Variants in NPR2 observed in about 807,000 individuals in gnomAD.
NPR2 encodes atrial natriuretic peptide receptor 2.
A neutral mutation model predicts 120.7 loss-of-function variants in NPR2; 49 were observed. The ratio of observed to expected loss-of-function variants is 0.41; its 90% CI spans 0.32 to 0.52. NPR2 has a LOEUF of 0.52. NPR2 is among the 20% of genes least tolerant of loss of function. NPR2 has a pLI of 0.36. For missense variants in NPR2, 931 were observed against 1,362.9 expected, an observed-to-expected ratio of 0.68 and a Z score of 4.99; for synonymous variants, 484 against 519.8, an observed-to-expected ratio of 0.93 and a Z score of 0.94.
At chr9:35,796,599 C>T (rs989066900) in intron 2 of NPR2, among the ~76,000 whole-genome samples, 4 of 152,198 alleles carry the variant, frequency 2.6e-5, no homozygotes, top group Non-Finnish European at 4.4e-5. Context: ...ATCCAATAAT[C>T]AGTTATATCA....
chr9:35,793,166 C>A, intron 1 of NPR2, 91 bp downstream of exon 1: 1 of 1,317,858 alleles, frequency 7.6e-7, no homozygotes, highest in Non-Finnish European at 1.0e-6. Flanking sequence ...TGGAGATAGG[C>A]ATTGAGCAGC....
rs765333807 is a variant in NPR2, at chr9:35,802,827, A to T, written c.1887+24A>T. ...AGGTGAGTCTTCCCCACTCCTTAAA[A>T]GTTCATCCACTTTAAATCACTTCCA... On this transcript the variant is annotated intron_variant, in intron 12 of 21. Coordinates refer to ENST00000342694, the MANE Select transcript of NPR2 (RefSeq NM_003995.4). The surrounding 1 kb of genome is among the most constrained non-coding windows in gnomAD (Gnocchi z 4.2). 6.7e-7 allele frequency: 1 copy of T among 1,487,588 alleles called. No homozygotes were observed. Among genetic ancestry groups the T allele is most frequent in the Non-Finnish European group, 9.4e-7 (1 of 1,065,440 alleles). 92.1% of individuals were successfully genotyped at this position (1,487,588 alleles called of 1,614,324 possible).
chr9:35,808,263 G>C lies in NPR2; in HGVS notation c.2713-246G>C. The C allele has an allele frequency of 6.2e-7, 1 of 1,614,102 alleles. No individual in the cohort carries two copies. Among genetic ancestry groups the C allele is most frequent in the South Asian group, 1.1e-5 (1 of 91,074 alleles). On this transcript the variant is annotated intron_variant, in intron 18 of 21. Transcript: ENST00000342694. This position sits in a 1 kb window ranked among gnomAD's most constrained non-coding sequence, Gnocchi z 4.0. Reference sequence around the variant, plus strand: ...TTGTCCATGTCCTGCTGCAGACAGGGTGTTCATTCATTCCGCAAATGTTTA... The same window carrying C: ...TTGTCCATGTCCTGCTGCAGACAGGCTGTTCATTCATTCCGCAAATGTTTA...
chr9:35,799,526 A>G, intron 2 of NPR2, 92 bp from the exon 3 acceptor site: 2 of 908,864 alleles, frequency 2.2e-6, no homozygotes, highest in South Asian at 1.3e-5. Flanking sequence ...TATATCATGT[A>G]TATTTTACCA....
intron 12 of NPR2, among the ~76,000 whole-genome samples, chr9:35,804,136 T>G (rs1321823684): frequency 6.6e-6 from 1 of 152,234 alleles, no homozygotes; most frequent in Non-Finnish European, 1.5e-5. Flanking sequence ...ACAGAAATGT[T>G]TTTTGTTAGC....
Position 35,792,516 on chromosome 9 carries a change from G to A in NPR2, c.108G>A (p.Leu36=), listed in dbSNP as rs1209904867. The change falls in exon 1 of 22, where the codon CTG becomes CTA. Residue 36 remains leucine (L), a synonymous_variant. Coordinates refer to ENST00000342694, the MANE Select transcript of NPR2 (RefSeq NM_003995.4). ...TLAVVLPEHN[L]SYAWAWPRVG... is the part of the protein sequence containing the mutation. ...CGGTGGTGCTGCCAGAACACAACCT[G>A]AGCTATGCCTGGGCCTGGCCACGGG... The A allele has an allele frequency of 3.1e-6, 5 of 1,610,512 alleles. No individual in the cohort carries two copies. Among genetic ancestry groups the A allele is most frequent in the Non-Finnish European group, 4.2e-6 (5 of 1,179,942 alleles).
At chr9:35,807,798 G>A (rs1265815962) in intron 18 of NPR2, among the ~76,000 whole-genome samples, 1 of 152,196 alleles carries the variant, frequency 6.6e-6, no homozygotes, top group East Asian at 1.9e-4. Context: ...AAGTTATTGA[G>A]TTGGATTTAT....
At position 35,809,509 on chromosome 9, in the gene NPR2, A is replaced by G. The variant is rs1210350670; in HGVS notation, c.*64A>G. 3 of 1,611,562 alleles carry G rather than the reference A, an allele frequency of 1.9e-6. No individual in the cohort carries two copies. Among genetic ancestry groups the G allele is most frequent in the Admixed American group, 3.3e-5 (2 of 60,012 alleles). On this transcript the variant is annotated 3_prime_UTR_variant, in exon 22 of 22. Coordinates refer to ENST00000342694, the MANE Select transcript of NPR2 (RefSeq NM_003995.4). This position sits in a 1 kb window ranked among gnomAD's most constrained non-coding sequence, Gnocchi z 4.1. ...GGTACCTGGGTGGGCAATGGCCACC[A>G]TGTCTGCACACACCAGAAATGGACA... is the stretch of plus-strand genomic sequence containing the variant.
In NPR2 at chr9:35,806,066, G is replaced by C; in HGVS notation, c.2205G>C (p.Glu735Asp). The C allele has an allele frequency of 6.2e-7, 1 of 1,614,166 alleles. No homozygotes were observed. The highest frequency in any genetic ancestry group is 8.5e-7 in the Non-Finnish European group (1 of 1,180,044). ...ATCCAAACCTTTGATCACCCTCAGA[G>C]ATTGTCCAGAAGGTACGAAATGGTC... ...YLEGLDLSPK[E>D]IVQKVRNGQR... Residue 735 changes from glutamate to aspartate, a missense_variant and splice_region_variant, in exon 15 of 22, where the codon GAG becomes GAC. Around this residue, in one of 3 missense-constraint regions of NPR2, gnomAD observed 681 missense variants for 974.3 expected, o/e 0.70. Coordinates refer to ENST00000342694, the MANE Select transcript of NPR2 (RefSeq NM_003995.4). This position sits in a 1 kb window ranked among gnomAD's most constrained non-coding sequence, Gnocchi z 4.6.
intron 12 of NPR2, among the ~76,000 whole-genome samples, chr9:35,804,681 T>C (rs1042983157): frequency 2.6e-5 from 4 of 152,060 alleles, no homozygotes; most frequent in Non-Finnish European, 4.4e-5. Flanking sequence ...TGATCCAGCA[T>C]TCCCTCTAGT....
intron 12 of NPR2, among the ~76,000 whole-genome samples, chr9:35,803,690 A>T (rs543972607): frequency 6.6e-5 from 10 of 152,362 alleles, no homozygotes; most frequent in African/African-American, 2.2e-4. Flanking sequence ...ATCTTGCATG[A>T]GTTGGACAGG....
Position 35,806,521 on chromosome 9 carries a change from C to T in NPR2, c.2502C>T (p.Leu834=). The T allele has an allele frequency of 6.2e-7, 1 of 1,614,224 alleles. No individual in the cohort carries two copies. Among genetic ancestry groups the T allele is most frequent in the Non-Finnish European group, 8.5e-7 (1 of 1,180,032 alleles). The change falls in exon 16 of 22, where the codon CTC becomes CTT. Residue 834 remains leucine (L), a synonymous_variant. Coordinates refer to ENST00000342694, the MANE Select transcript of NPR2 (RefSeq NM_003995.4). The surrounding 1 kb of genome is among the most constrained non-coding windows in gnomAD (Gnocchi z 4.6). ...AAAAACGCAAGGCTGAAGCTCTGCTCTACCAAATCCTACCCCAGTGAGACT... is the reference window on the plus strand; with the variant it reads ...AAAAACGCAAGGCTGAAGCTCTGCTTTACCAAATCCTACCCCAGTGAGACT... ...LEEKRKAEAL[L]YQILPHSVAE...
Position 35,803,165 on chromosome 9 carries a change from G to A in NPR2, c.1887+362G>A, listed in dbSNP as rs565928729. 3.7e-5 allele frequency among the ~76,000 whole-genome samples: 3 copies of A among 81,916 alleles called. 1 individual carries two copies. The highest frequency in any genetic ancestry group is 6.2e-4 in the South Asian group (2 of 3,216). The allele number at this position is 81,916 out of a possible 152,430, so 53.7% of individuals were successfully genotyped here. ...GTCGCCCAGGCTGGAGTGCAGTGGC[G>A]GGATCTCGGCTCACTGCAAGCTCCG... On this transcript the variant is annotated intron_variant, in intron 12 of 21. Transcript: ENST00000342694.
chr9:35,798,771 C>G (rs1283068232), intron 2 of NPR2, among the ~76,000 whole-genome samples: 1 of 152,204 alleles, frequency 6.6e-6, no homozygotes, highest in South Asian at 2.1e-4. Context: ...GGTCCAGCAG[C>G]TCAGGAAGGG....
At position 35,808,648 on chromosome 9, in the gene NPR2, A is replaced by G; in HGVS notation, c.2852A>G (p.His951Arg). ...VSSFRIRHRP[H>R]DQLRLRIGVH... ...TCCTTTCGCATCCGCCACCGACCCCATGACCAGCTGAGGCTACGCATAGGG... is the reference window on the plus strand; with the variant it reads ...TCCTTTCGCATCCGCCACCGACCCCGTGACCAGCTGAGGCTACGCATAGGG... Residue 951 changes from histidine (H) to arginine (R), a missense_variant, in exon 19 of 22, where the codon CAT becomes CGT. Physicochemically the swap from His to Arg is conservative, Grantham distance 29. This residue lies in a region of NPR2 where 184 missense variants were observed against 328.3 expected (regional missense o/e 0.56). Transcript: ENST00000342694. This position sits in a 1 kb window ranked among gnomAD's most constrained non-coding sequence, Gnocchi z 4.0. 1 of 1,613,928 alleles carries G rather than the reference A, an allele frequency of 6.2e-7. No individual in the cohort carries two copies. Among genetic ancestry groups the G allele is most frequent in the African/African-American group, 1.3e-5 (1 of 74,956 alleles).
At position 35,800,108 on chromosome 9, in the gene NPR2, G is replaced by T; in HGVS notation, c.1074G>T (p.Arg358=). Residue 358 remains arginine (R), a synonymous_variant, in exon 4 of 22, where the codon CGG becomes CGT. Coordinates refer to ENST00000342694, the MANE Select transcript of NPR2 (RefSeq NM_003995.4). The surrounding 1 kb of genome is among the most constrained non-coding windows in gnomAD (Gnocchi z 4.7). ...AGACAATACAGGAAGGAGGCACCCGGGAGGATGGACTTCGAATTGTGGAAA... is the reference window on the plus strand; with the variant it reads ...AGACAATACAGGAAGGAGGCACCCGTGAGGATGGACTTCGAATTGTGGAAA... ...LNETIQEGGT[R]EDGLRIVEKM... is the part of the protein sequence containing the mutation. 2 of 1,614,026 alleles carry T rather than the reference G, an allele frequency of 1.2e-6. No homozygotes were observed. The highest frequency in any genetic ancestry group is 1.7e-6 in the Non-Finnish European group (2 of 1,179,910).
At position 35,800,389 on chromosome 9, in the gene NPR2, G is replaced by A; in HGVS notation, c.1124G>A (p.Gly375Asp). Residue 375 changes from glycine (G) to aspartate (D), a missense_variant and splice_region_variant, in exon 5 of 22, where the codon GGT becomes GAT. Around this residue, in one of 3 missense-constraint regions of NPR2, gnomAD observed 681 missense variants for 974.3 expected, o/e 0.70. Coordinates refer to ENST00000342694, the MANE Select transcript of NPR2 (RefSeq NM_003995.4). The surrounding 1 kb of genome is among the most constrained non-coding windows in gnomAD (Gnocchi z 4.7). ...GAAAGGACACTCTTTTCTGTCTTAGGTGTAACTGGGCTGGTTGTCATGGAC... is the reference window on the plus strand; with the variant it reads ...GAAAGGACACTCTTTTCTGTCTTAGATGTAACTGGGCTGGTTGTCATGGAC... Reference protein sequence around the residue: ...VEKMQGRRYHGVTGLVVMDKN... With the variant: ...VEKMQGRRYHDVTGLVVMDKN... 2.5e-6 allele frequency: 4 copies of A among 1,613,504 alleles called. No individual in the cohort carries two copies. Among genetic ancestry groups the A allele is most frequent in the Non-Finnish European group, 3.4e-6 (4 of 1,179,444 alleles).
chr9:35,808,047 T>C lies in NPR2; in HGVS notation c.2713-462T>C. On this transcript the variant is annotated intron_variant, in intron 18 of 21. Transcript: ENST00000342694. The surrounding 1 kb of genome is among the most constrained non-coding windows in gnomAD (Gnocchi z 4.0). Reference sequence around the variant, plus strand: ...TTTCCTAAAAACTTCACTGTGTATTTCCTTAAAACAATGGCATTTATTCTC... The same window carrying C: ...TTTCCTAAAAACTTCACTGTGTATTCCCTTAAAACAATGGCATTTATTCTC... 2 of 729,482 alleles carry C rather than the reference T, an allele frequency of 2.7e-6. No individual in the cohort carries two copies. Among genetic ancestry groups the C allele is most frequent in the South Asian group, 1.7e-5 (1 of 59,908 alleles). 45.2% of individuals were successfully genotyped at this position (729,482 alleles called of 1,614,324 possible). A position where few individuals can be genotyped will look rare whatever the true frequency, so the allele number is the denominator to read the frequency against.
chr9:35,802,034 A>G lies in NPR2; in HGVS notation c.1632+34A>G. 1 of 1,594,860 alleles carries G rather than the reference A, an allele frequency of 6.3e-7. No individual in the cohort carries two copies. The highest frequency in any genetic ancestry group is 8.6e-7 in the Non-Finnish European group (1 of 1,162,480). The stretch of plus-strand genomic sequence containing the variant: ...TCATTTGCTTGTTCTGGTCCCCACC[A>G]TTTCATCCTGTCTCATCCCCATCTG... On this transcript the variant is annotated intron_variant, in intron 9 of 21. Transcript: ENST00000342694. The surrounding 1 kb of genome is among the most constrained non-coding windows in gnomAD (Gnocchi z 4.2).
Sources: gnomAD v4.1 joint callset for allele counts (sites outside exome capture counted in the v4.1 genomes callset) on GRCh38, gnomAD v4.1.1 for gene constraint, gnomAD v4.1.1 regional missense constraint, Gnocchi (gnomAD v3.1) non-coding constraint, MANE v1.5 for transcripts, NCBI Gene and HGNC (gene_info 2026-07-23, HGNC 2026-07-21) for gene names.